ANXA1: variants seen among roughly 807,000 people sequenced by gnomAD.
The protein encoded by ANXA1 is annexin I (lipocortin I).
ANXA1 carries 39 observed loss-of-function variants against 47.9 expected under a neutral mutation model. The ratio of observed to expected loss-of-function variants is 0.81; its 90% CI spans 0.63 to 1.06. ANXA1 has a LOEUF of 1.06. ANXA1 is among the 50% of genes least tolerant of loss of function. The pLI, the probability that ANXA1 is intolerant of heterozygous loss-of-function variation, is 0.00. For synonymous variants in ANXA1, 146 were observed against 142.5 expected, an observed-to-expected ratio of 1.02 and a Z score of -0.17; for missense variants, 446 against 422.7, an observed-to-expected ratio of 1.06 and a Z score of -0.48.
intron 1 of ANXA1, among the ~76,000 whole-genome samples, chr9:73,156,462 G>A (rs1046251452): frequency 1.3e-5 from 2 of 152,150 alleles, no homozygotes; most frequent in African/African-American, 2.4e-5. Flanking sequence ...TTATCAGGAA[G>A]CAATTTTAAG....
intron 1 of ANXA1, among the ~76,000 whole-genome samples, chr9:73,153,183 A>C (rs1197449028): frequency 6.6e-6 from 1 of 152,218 alleles, no homozygotes; most frequent in Non-Finnish European, 1.5e-5. Context: ...AAAATAGTTA[A>C]TAATAATATT....
At chr9:73,167,778 G>C in intron 11 of ANXA1, 1 of 466,814 alleles carries the variant, frequency 2.1e-6, no homozygotes, top group Non-Finnish European at 3.8e-6. Context: ...GCCTGTAAGT[G>C]ATTTACGGCT....
At chr9:73,153,168 T>C (rs1823997260) in intron 1 of ANXA1, among the ~76,000 whole-genome samples, 1 of 152,152 alleles carries the variant, frequency 6.6e-6, no homozygotes, top group Non-Finnish European at 1.5e-5. Context: ...TTAACAGATG[T>C]TGACAAAATA....
intron 7 of ANXA1, 50 bp downstream of exon 7, chr9:73,162,911 T>A (rs1824167524): frequency 7.0e-7 from 1 of 1,426,376 alleles, no homozygotes; most frequent in East Asian, 2.3e-5. Flanking sequence ...AAAGACTAAT[T>A]TCTTAGTCCA....
intron 1 of ANXA1, among the ~76,000 whole-genome samples, chr9:73,155,139 T>C (rs972094553): frequency 2.0e-5 from 3 of 152,210 alleles, no homozygotes; most frequent in Non-Finnish European, 4.4e-5. Flanking sequence ...CAGTGCATGT[T>C]CACAAAAAGA....
intron 11 of ANXA1, 27 bp downstream of exon 11, chr9:73,167,582 T>G: frequency 6.3e-7 from 1 of 1,586,856 alleles, no homozygotes; most frequent in Non-Finnish European, 8.6e-7. Flanking sequence ...TTATATGTCC[T>G]GCTTAGAGGA....
Position 73,169,106 on chromosome 9 carries a change from A to G in ANXA1, c.936A>G (p.Lys312=). 10 of 1,613,458 alleles carry G rather than the reference A, an allele frequency of 6.2e-6. No homozygotes were observed. The highest frequency in any genetic ancestry group is 7.6e-6 in the Non-Finnish European group (9 of 1,179,540). The part of the protein sequence containing the change: ...SRSEIDMNDI[K]AFYQKMYGIS... Reference sequence around the variant, plus strand: ...CTGAAATTGACATGAATGATATCAAAGCATTCTATCAGAAGATGTATGGTA... The same window carrying G: ...CTGAAATTGACATGAATGATATCAAGGCATTCTATCAGAAGATGTATGGTA... The change falls in exon 12 of 13, where the codon AAA becomes AAG. Residue 312 remains lysine (K), a synonymous_variant. Transcript: ENST00000257497.
At chr9:73,165,049 T>C in intron 8 of ANXA1, 67 bp from the exon 9 acceptor site, 1 of 1,290,014 alleles carries the variant, frequency 7.8e-7, no homozygotes, top group Non-Finnish European at 1.1e-6. Context: ...TTTGACAAGG[T>C]CTAACATTAT....
intron 6 of ANXA1, among the ~76,000 whole-genome samples, chr9:73,162,302 T>G (rs1448310063): frequency 6.6e-6 from 1 of 152,204 alleles, no homozygotes; most frequent in Non-Finnish European, 1.5e-5. Context: ...AGTATTATTT[T>G]ATGTAGTTAA....
At chr9:73,157,822 C>T (rs1039628109) in intron 1 of ANXA1, 2 of 152,234 alleles carry the variant, frequency 1.3e-5, no homozygotes, top group South Asian at 2.1e-4. Flanking sequence ...GATGAATGGT[C>T]TTTCGGAAAC....
At chr9:73,167,373 A>G in intron 10 of ANXA1, 124 bp from the exon 11 acceptor site, 1 of 760,894 alleles carries the variant, frequency 1.3e-6, no homozygotes, top group Non-Finnish European at 2.2e-6. Context: ...GGGAGATGAG[A>G]GGTGAAGAAT....
rs1427574488 is a variant in ANXA1 at position 73,160,283 on chromosome 9, G to A, written c.291G>A (p.Lys97=). 3.8e-6 allele frequency: 6 copies of A among 1,567,762 alleles called. No homozygotes were observed. In the South Asian group the frequency reaches 7.2e-5, roughly 19 times the overall value. ...TGTAGCCCCTGGATGAAACACTGAAGAAAGCCCTTACAGGTCACCTTGAGG... is the reference window on the plus strand; with the variant it reads ...TGTAGCCCCTGGATGAAACACTGAAAAAAGCCCTTACAGGTCACCTTGAGG... ...ETGKPLDETL[K]KALTGHLEEV... Residue 97 remains lysine, a synonymous_variant, in exon 5 of 13, where the codon AAG becomes AAA. Transcript: ENST00000257497.
intron 11 of ANXA1, 152 bp from the exon 12 acceptor site, chr9:73,168,880 G>GGTGTGTGT (rs3832643): frequency 0.031 from 12,507 of 401,476 alleles, 135 homozygotes; most frequent in African/African-American, 0.044. Flanking sequence ...ATTCGTGTAA[G>GGTGTGTGT]GTGTGTGTGT....
At chr9:73,159,520 C>A in intron 4 of ANXA1, 97 bp downstream of exon 4, 1 of 961,704 alleles carries the variant, frequency 1.0e-6, no homozygotes, top group South Asian at 1.5e-5. Flanking sequence ...AAGGTTCTAA[C>A]CACTGTTTTC....
At chr9:73,160,036 G>C (rs1290655947) in intron 4 of ANXA1, among the ~76,000 whole-genome samples, 1 of 152,142 alleles carries the variant, frequency 6.6e-6, no homozygotes, top group Admixed American at 6.6e-5. Flanking sequence ...TATGCTTTAA[G>C]AAGTTATTGA....
chr9:73,162,159 C>A (rs1824153408), intron 6 of ANXA1, among the ~76,000 whole-genome samples: 1 of 152,118 alleles, frequency 6.6e-6, no homozygotes, highest in Non-Finnish European at 1.5e-5. Context: ...CCCCCATCAT[C>A]CAAACATCTC....
intron 9 of ANXA1, 142 bp downstream of exon 9, chr9:73,165,351 T>C (rs1824210043): frequency 1.7e-6 from 1 of 583,220 alleles, no homozygotes. Flanking sequence ...TGACCCATTG[T>C]TATTTGTCAA....
chr9:73,170,208 T>A lies in ANXA1; in HGVS notation c.*101T>A. 1 of 875,862 alleles carries A rather than the reference T, an allele frequency of 1.1e-6. No individual in the cohort carries two copies. Among genetic ancestry groups the A allele is most frequent in the Non-Finnish European group, 1.7e-6 (1 of 582,876 alleles). 54.3% of individuals were successfully genotyped at this position (875,862 alleles called of 1,614,324 possible). ...AAGTTTCTTCAACAGGATTACAGTGTAGCTACCTACATGCTGAAAAATATA... is the reference window on the plus strand; with the variant it reads ...AAGTTTCTTCAACAGGATTACAGTGAAGCTACCTACATGCTGAAAAATATA... On this transcript the variant is annotated 3_prime_UTR_variant, in exon 13 of 13. Coordinates refer to ENST00000257497, the MANE Select transcript of ANXA1 (RefSeq NM_000700.3).
intron 12 of ANXA1, 72 bp from the exon 13 acceptor site, chr9:73,169,979 T>A (rs567058374): frequency 8.7e-7 from 1 of 1,143,030 alleles, no homozygotes; most frequent in East Asian, 2.6e-5. Flanking sequence ...AAAATAATTC[T>A]TCTATAAGTA....
Sources: gnomAD v4.1 joint callset for allele counts (sites outside exome capture counted in the v4.1 genomes callset) on GRCh38, gnomAD v4.1.1 for gene constraint, MANE v1.5 for transcripts, NCBI Gene and HGNC (gene_info 2026-07-23, HGNC 2026-07-21) for gene names.